Variants in CTH observed in about 807,000 individuals in gnomAD.
CTH encodes cystathionase (cystathionine gamma-lyase).
Under a neutral mutation model 50.6 loss-of-function variants are expected in CTH, and 41 were observed. That is an observed-to-expected ratio of 0.81 (90% CI 0.63 to 1.05). The LOEUF (loss-of-function observed/expected upper bound fraction) is 1.05. CTH is among the 50% of genes least tolerant of loss of function. The pLI is 0.00. For missense variants in CTH, 470 were observed against 492.6 expected (o/e 0.95, Z 0.43); for synonymous variants, 156 against 168.9 (o/e 0.92, Z 0.59).
chr1:70,413,438 T>C (rs1366833805), intron 1 of CTH, among the ~76,000 whole-genome samples: 1 of 151,430 alleles, frequency 6.6e-6, no homozygotes, highest in Non-Finnish European at 1.5e-5. Flanking sequence ...TCATTTTTTA[T>C]TTTTTTTAGT....
chr1:70,432,223 G>T lies in CTH; in HGVS notation c.865G>T (p.Val289Phe), dbSNP rs1442305474. ...FLESNPWVEK[V>F]IYPGLPSHPQ... is the part of the protein sequence containing the mutation. Reference sequence around the variant, plus strand: ...GGAATCTAATCCTTGGGTAGAAAAGGTTATTTATCCTGGTATGTTAATTTG... The same window carrying T: ...GGAATCTAATCCTTGGGTAGAAAAGTTTATTTATCCTGGTATGTTAATTTG... The change falls in exon 8 of 12, where the codon GTT becomes TTT. Residue 289 changes from valine to phenylalanine, a missense_variant. Coordinates refer to ENST00000370938, the MANE Select transcript of CTH (RefSeq NM_001902.6). 2.5e-6 allele frequency: 4 copies of T among 1,614,152 alleles called. No individual in the cohort carries two copies. The South Asian group carries it at 3.3e-5, about 13-fold the overall frequency.
At position 70,411,576 on chromosome 1, in the gene CTH, A is replaced by G; in HGVS notation, c.161A>G (p.Gln54Arg). ...ACGTTCAAGCAAGGGGCGCCTGGCC[A>G]GCACTCGGTGAGCTGGGTCTGTCTG... ...STTFKQGAPG[Q>R]HSGFEYSRSG... Residue 54 changes from glutamine to arginine, a missense_variant, in exon 1 of 12, where the codon CAG becomes CGG. Physicochemically the swap from Gln to Arg is conservative, Grantham distance 43. Transcript: ENST00000370938. The G allele has an allele frequency of 6.2e-7, 1 of 1,613,810 alleles. No individual in the cohort carries two copies. Among genetic ancestry groups the G allele is most frequent in the Non-Finnish European group, 8.5e-7 (1 of 1,179,752 alleles).
intron 5 of CTH, among the ~76,000 whole-genome samples, chr1:70,427,918 G>A (rs758283344): frequency 3.9e-5 from 6 of 152,012 alleles, no homozygotes; most frequent in Non-Finnish European, 7.4e-5. Context: ...TCACCATGTT[G>A]GCCAGGCTGG....
chr1:70,421,903 A>G (rs1684232677), intron 4 of CTH, among the ~76,000 whole-genome samples: 2 of 152,322 alleles, frequency 1.3e-5, no homozygotes, highest in South Asian at 4.1e-4. Flanking sequence ...CTTAGTTAGT[A>G]TATTATCTTG....
rs201938181 is a variant in CTH, at chr1:70,432,106, A to G, written c.748A>G (p.Ile250Val). ...AGCTCTTGGAGCAGTTCCATCTCCT[A>G]TTGATTGTTACCTCTGCAATCGAGG... The part of the protein sequence containing the change: ...QNSLGAVPSP[I>V]DCYLCNRGLK... Residue 250 changes from isoleucine (I) to valine (V), a missense_variant, in exon 8 of 12, where the codon ATT becomes GTT. Ile to Val is a conservative substitution (Grantham distance 29). Transcript: ENST00000370938. The G allele has an allele frequency of 2.5e-6, 4 of 1,614,064 alleles. No individual in the cohort carries two copies. Among genetic ancestry groups the G allele is most frequent in the South Asian group, 2.2e-5 (2 of 91,082 alleles).
chr1:70,432,346 G>A, intron 8 of CTH, 111 bp downstream of exon 8: 2 of 1,345,828 alleles, frequency 1.5e-6, no homozygotes, highest in Non-Finnish European at 2.1e-6. Context: ...TATTGTTTTT[G>A]TTCATTTATT....
At chr1:70,415,273 A>G (rs1336212316) in intron 1 of CTH, among the ~76,000 whole-genome samples, 1 of 152,084 alleles carries the variant, frequency 6.6e-6, no homozygotes, top group Non-Finnish European at 1.5e-5. Flanking sequence ...GCATGGTGAC[A>G]TGCACCTGTA....
At chr1:70,424,466 G>A (rs2101742532) in intron 5 of CTH, 50 bp downstream of exon 5, 4 of 1,609,514 alleles carry the variant, frequency 2.5e-6, no homozygotes, top group East Asian at 4.5e-5. Context: ...ACATATATCT[G>A]TAATTAGGAA....
intron 2 of CTH, 141 bp from the exon 3 acceptor site, chr1:70,417,796 A>G (rs1268181200): frequency 1.5e-5 from 11 of 726,676 alleles, no homozygotes; most frequent in Admixed American, 1.3e-4. Context: ...AGATTTTGTA[A>G]TGGTATTAAT....
In CTH at chr1:70,438,999, A is replaced by C. The variant is rs1684661701; in HGVS notation, c.1192-102A>C. ...CGTATAGGGAGCTCAGTCAAAGTGC[A>C]TATTTAAAGGATGGTAGTATTCAGA... On this transcript the variant is annotated intron_variant, in intron 11 of 11. Transcript: ENST00000370938. 8 of 1,526,114 alleles carry C rather than the reference A, an allele frequency of 5.2e-6. No homozygotes were observed. In the South Asian group the frequency reaches 9.0e-5, roughly 17 times the overall value. 94.5% of individuals were successfully genotyped at this position (1,526,114 alleles called of 1,614,324 possible).
chr1:70,432,209 C>G lies in CTH; in HGVS notation c.851C>G (p.Pro284Arg). 6.2e-7 allele frequency: 1 copy of G among 1,614,190 alleles called. No individual in the cohort carries two copies. The highest frequency in any genetic ancestry group is 1.6e-4 in the Middle Eastern group (1 of 6,062). Residue 284 changes from proline (P) to arginine (R), a missense_variant, in exon 8 of 12, where the codon CCT (proline) becomes CGT (arginine). Pro to Arg is a moderately radical substitution (Grantham distance 103). Transcript: ENST00000370938. ...MAVAQFLESN[P>R]WVEKVIYPGL... ...GTTGCCCAGTTCCTGGAATCTAATC[C>G]TTGGGTAGAAAAGGTTATTTATCCT...
At chr1:70,422,804 G>T (rs1004850301) in intron 4 of CTH, among the ~76,000 whole-genome samples, 8 of 152,018 alleles carry the variant, frequency 5.3e-5, no homozygotes, top group Non-Finnish European at 1.2e-4. Flanking sequence ...TAGAGATGGG[G>T]TTTCACCTTG....
At chr1:70,437,160 A>C (rs1447112485) in intron 10 of CTH, among the ~76,000 whole-genome samples, 1 of 152,186 alleles carries the variant, frequency 6.6e-6, no homozygotes, top group South Asian at 2.1e-4. Context: ...CAATTTCCTC[A>C]ATTTTAAAAT....
At chr1:70,420,317 A>C (rs1431005062) in intron 3 of CTH, among the ~76,000 whole-genome samples, 1 of 152,104 alleles carries the variant, frequency 6.6e-6, no homozygotes, top group Non-Finnish European at 1.5e-5. Context: ...TGTAGAATAC[A>C]ATTTTTCCAG....
At chr1:70,411,821 G>C (rs530096080) in intron 1 of CTH, among the ~76,000 whole-genome samples, 94 of 152,092 alleles carry the variant, frequency 6.2e-4, no homozygotes, top group Non-Finnish European at 1.0e-3. Flanking sequence ...TTTAGATTTG[G>C]CCTGAAATTC....
intron 2 of CTH, among the ~76,000 whole-genome samples, chr1:70,416,422 T>A (rs1462479825): frequency 6.6e-6 from 1 of 152,290 alleles, no homozygotes; most frequent in Non-Finnish European, 1.5e-5. Context: ...ACAGGGTCTC[T>A]CATTCTGTTG....
chr1:70,437,245 G>A (rs955416495), intron 10 of CTH, among the ~76,000 whole-genome samples: 1 of 152,076 alleles, frequency 6.6e-6, no homozygotes, highest in Admixed American at 6.6e-5. Context: ...TAATGCCTTC[G>A]TTCATACTAA....
rs1330374603 is a variant in CTH, at chr1:70,433,879, G to T, written c.929G>T (p.Cys310Phe). Reference sequence around the variant, plus strand: ...TTGGTGAAGCGTCAGTGTACAGGTTGTACAGGGATGGTCACCTTTTATATT... The same window carrying T: ...TTGGTGAAGCGTCAGTGTACAGGTTTTACAGGGATGGTCACCTTTTATATT... ...HELVKRQCTG[C>F]TGMVTFYIKG... Residue 310 changes from cysteine to phenylalanine, a missense_variant, in exon 9 of 12, where the codon TGT becomes TTT. Cys to Phe is a radical substitution (Grantham distance 205, BLOSUM62 -2). Transcript: ENST00000370938. 6.2e-7 allele frequency: 1 copy of T among 1,614,100 alleles called. No homozygotes were observed. The highest frequency in any genetic ancestry group is 1.1e-5 in the South Asian group (1 of 91,084).
At chr1:70,417,893 T>C (rs1193998666) in intron 2 of CTH, 44 bp from the exon 3 acceptor site, 10 of 1,609,498 alleles carry the variant, frequency 6.2e-6, no homozygotes, top group African/African-American at 2.7e-5. Flanking sequence ...TTGTAACCTA[T>C]AGGCCTGACT....
Sources: allele counts gnomAD v4.1 joint callset (sites outside exome capture counted in the v4.1 genomes callset), GRCh38; gene constraint gnomAD v4.1.1; transcripts MANE v1.5; gene names NCBI Gene and HGNC (gene_info 2026-07-23, HGNC 2026-07-21).